The following ASIC2 variants were observed in gnomAD, a reference collection of about 807,000 sequenced individuals.
ASIC2 encodes the protein acid-sensing ion channel 2.
Under a neutral mutation model 57.3 loss-of-function variants are expected in ASIC2, and 25 were observed. That is an observed-to-expected ratio of 0.44 (90% CI 0.32 to 0.61). ASIC2 has a LOEUF of 0.61. ASIC2 is among the 20% of genes least tolerant of loss of function. ASIC2 has a pLI of 0.06. For missense variants in ASIC2, 641 were observed against 738.1 expected (o/e 0.87, Z 1.52); for synonymous variants, 319 against 307.5 (o/e 1.04, Z -0.39).
intron 1 of ASIC2, among the ~76,000 whole-genome samples, chr17:33,559,033 C>T (rs983537017): frequency 2.6e-5 from 4 of 152,186 alleles, no homozygotes; most frequent in African/African-American, 2.4e-5. Flanking sequence ...CTCCCAATTA[C>T]AGGCATGAGC....
At chr17:33,881,000 C>A (rs908309259) in intron 1 of ASIC2, among the ~76,000 whole-genome samples, 14 of 151,996 alleles carry the variant, frequency 9.2e-5, no homozygotes, top group African/African-American at 1.9e-4. Context: ...ACAGAACCAA[C>A]GACAAAAACC....
intron 1 of ASIC2, among the ~76,000 whole-genome samples, chr17:33,993,195 A>G (rs912279625): frequency 2.6e-5 from 4 of 152,180 alleles, no homozygotes; most frequent in African/African-American, 7.2e-5. Context: ...AGTCAAGCAG[A>G]AATATAATTT....
At chr17:33,270,251 C>T (rs1275581295) in intron 1 of ASIC2, among the ~76,000 whole-genome samples, 2 of 152,196 alleles carry the variant, frequency 1.3e-5, no homozygotes, top group Admixed American at 6.5e-5. Flanking sequence ...ATATAATCAT[C>T]TTTACATTTT....
intron 1 of ASIC2, among the ~76,000 whole-genome samples, chr17:33,421,717 C>T (rs1217098303): frequency 6.6e-6 from 1 of 152,220 alleles, no homozygotes; most frequent in African/African-American, 2.4e-5. Flanking sequence ...AAGAACAGGA[C>T]AGAGAATCCT....
At chr17:33,239,824 T>TA (rs1299372708) in intron 1 of ASIC2, among the ~76,000 whole-genome samples, 1 of 152,218 alleles carries the variant, frequency 6.6e-6, no homozygotes, top group African/African-American at 2.4e-5. Flanking sequence ...GCTCCCTCCA[T>TA]AAGTTTTCTT....
chr17:33,952,056 A>G (rs1296614111), intron 1 of ASIC2, among the ~76,000 whole-genome samples: 3 of 152,192 alleles, frequency 2.0e-5, no homozygotes, highest in East Asian at 3.8e-4. Flanking sequence ...TCATATTTCA[A>G]TGTTAAAAGT....
chr17:33,112,507 T>C (rs2092263630), intron 1 of ASIC2, among the ~76,000 whole-genome samples: 1 of 152,126 alleles, frequency 6.6e-6, no homozygotes, highest in Non-Finnish European at 1.5e-5. Context: ...ACTCAGCTTG[T>C]CCAGAGGGAA....
intron 1 of ASIC2, among the ~76,000 whole-genome samples, chr17:33,949,982 A>T (rs927806482): frequency 1.8e-4 from 27 of 152,172 alleles, no homozygotes; most frequent in Non-Finnish European, 5.9e-5. Flanking sequence ...CCAGATCCTG[A>T]TCCTTGGTAG....
At chr17:33,156,938 A>G (rs1189817252) in intron 1 of ASIC2, among the ~76,000 whole-genome samples, 2 of 152,088 alleles carry the variant, frequency 1.3e-5, no homozygotes, top group African/African-American at 2.4e-5. Flanking sequence ...GAGCCTCTTG[A>G]CATGCTCAGA....
intron 1 of ASIC2, among the ~76,000 whole-genome samples, chr17:33,386,029 C>T (rs141684851): frequency 2.0e-5 from 3 of 152,216 alleles, no homozygotes; most frequent in Non-Finnish European, 2.9e-5. Flanking sequence ...ATACACATAA[C>T]GTGATATTTA....
chr17:33,669,154 G>A (rs1907570575), intron 1 of ASIC2, among the ~76,000 whole-genome samples: 1 of 152,122 alleles, frequency 6.6e-6, no homozygotes, highest in South Asian at 2.1e-4. Flanking sequence ...TCATCCTTGG[G>A]TAAGTGACCA....
intron 1 of ASIC2, among the ~76,000 whole-genome samples, chr17:33,161,252 A>G (rs73277853): frequency 0.26 from 39,617 of 152,084 alleles, 5,304 homozygotes; most frequent in East Asian, 0.4. Context: ...CACCTACTGT[A>G]TGCCAGGCAG....
intron 1 of ASIC2, among the ~76,000 whole-genome samples, chr17:34,086,164 T>C (rs1353728159): frequency 2.7e-5 from 4 of 148,658 alleles, no homozygotes; most frequent in Non-Finnish European, 4.5e-5. Flanking sequence ...CTGCTTTCTC[T>C]TGTGGGCATT....
At chr17:33,325,613 G>T (rs1907043694) in intron 1 of ASIC2, among the ~76,000 whole-genome samples, 1 of 152,132 alleles carries the variant, frequency 6.6e-6, no homozygotes, top group Non-Finnish European at 1.5e-5. Flanking sequence ...GGAGTGATGG[G>T]TGGCGATTTA....
chr17:33,764,423 A>G (rs1283173039), intron 1 of ASIC2, among the ~76,000 whole-genome samples: 4 of 152,126 alleles, frequency 2.6e-5, no homozygotes, highest in Non-Finnish European at 2.9e-5. Context: ...TCTCCTGCTT[A>G]TAACAGAATA....
chr17:33,921,562 G>C (rs1240157153), intron 1 of ASIC2, among the ~76,000 whole-genome samples: 34 of 152,118 alleles, frequency 2.2e-4, no homozygotes, highest in Admixed American at 2.2e-3. Context: ...GAGGGATGGT[G>C]GGGCAGGACT....
At chr17:33,594,716 T>C (rs1187173042) in intron 1 of ASIC2, among the ~76,000 whole-genome samples, 1 of 151,668 alleles carries the variant, frequency 6.6e-6, no homozygotes, top group Non-Finnish European at 1.5e-5. Context: ...TAGTCCCAGC[T>C]ACTCGGGAGG....
In ASIC2 at chr17:34,038,931, C is replaced by T. The variant is rs1342518007; in HGVS notation, c.555+117047G>A. The T allele has an allele frequency of 4.3e-6, 7 of 1,612,602 alleles. No individual in the cohort carries two copies. In the African/African-American group the frequency reaches 8.0e-5, roughly 18 times the overall value. ...TTGATAAGATTCTGAAAAGCATAAC[C>T]ATCTGTCCACTGCTCAGTAAATTTG... On this transcript the variant is annotated intron_variant, in intron 1 of 9. Transcript: ENST00000359872.
intron 1 of ASIC2, among the ~76,000 whole-genome samples, chr17:34,023,069 C>T (rs1471588638): frequency 2.0e-5 from 3 of 152,270 alleles, no homozygotes; most frequent in East Asian, 3.9e-4. Flanking sequence ...ACTCATCCAC[C>T]ATGCTTCCTG....
Sources: allele counts gnomAD v4.1 joint callset (sites outside exome capture counted in the v4.1 genomes callset), GRCh38; gene constraint gnomAD v4.1.1; transcripts MANE v1.5; gene names NCBI Gene and HGNC (gene_info 2026-07-23, HGNC 2026-07-21).